Variants in ELL2 observed in about 807,000 individuals in gnomAD.
The protein encoded by ELL2 is RNA polymerase II elongation factor ELL2.
In ELL2, 21 loss-of-function variants were observed where a neutral mutation model predicts 72.8. That is an observed-to-expected ratio of 0.29 (90% CI 0.20 to 0.42). The LOEUF (loss-of-function observed/expected upper bound fraction) is 0.42, where lower values mean the gene tolerates loss of function less well. Ranked by LOEUF, ELL2 falls within the 10% of genes least tolerant of loss-of-function variation. The pLI is 1.00. For missense variants in ELL2, 568 were observed against 772.8 expected, an observed-to-expected ratio of 0.73 and a Z score of 3.14; for synonymous variants, 266 against 283.2, an observed-to-expected ratio of 0.94 and a Z score of 0.61.
chr5:95,961,539 CCTCT>C, intron 1 of ELL2, 32 bp downstream of exon 1: 1 of 1,530,188 alleles, frequency 6.5e-7, no homozygotes, highest in Non-Finnish European at 8.8e-7. Context: ...GTGCGCTCTG[CCTCT>C]CTGAGCCCAG....
At chr5:95,958,726 A>G (rs1393915997) in intron 1 of ELL2, among the ~76,000 whole-genome samples, 2 of 152,178 alleles carry the variant, frequency 1.3e-5, no homozygotes, top group African/African-American at 4.8e-5. Context: ...AATACAAGCT[A>G]CTTGGCTCCA....
intron 10 of ELL2, among the ~76,000 whole-genome samples, chr5:95,890,240 G>A (rs1021349589): frequency 2.6e-5 from 4 of 152,016 alleles, no homozygotes; most frequent in African/African-American, 7.3e-5. Flanking sequence ...TATAACTCTC[G>A]CCAGCTTGTT....
At chr5:95,889,159 G>A (rs1204086787) in intron 10 of ELL2, 29 bp from the exon 11 acceptor site, 1 of 1,547,012 alleles carries the variant, frequency 6.5e-7, no homozygotes, top group South Asian at 1.2e-5. Flanking sequence ...GAAATCAGAA[G>A]AGAACAACTT....
chr5:95,895,392 C>T lies in ELL2; in HGVS notation c.1589+236G>A, dbSNP rs141216806. On this transcript the variant is annotated intron_variant, in intron 9 of 11. Coordinates refer to ENST00000237853, the MANE Select transcript of ELL2 (RefSeq NM_012081.6). ...TGGCCCCAGAACAAAGGACAGGATT[C>T]TCTATACTTAAAGGCCAACGAATAC... 1.4e-3 allele frequency among the ~76,000 whole-genome samples: 218 copies of T among 152,284 alleles called. 1 individual carries two copies. Among genetic ancestry groups the T allele is most frequent in the African/African-American group, 4.9e-3 (204 of 41,542 alleles).
chr5:95,958,735 C>T (rs1056150106), intron 1 of ELL2, among the ~76,000 whole-genome samples: 1 of 152,148 alleles, frequency 6.6e-6, no homozygotes, highest in Non-Finnish European at 1.5e-5. Context: ...TACTTGGCTC[C>T]ATGCTTTAAG....
At chr5:95,896,339 G>A (rs1404821120) in intron 8 of ELL2, among the ~76,000 whole-genome samples, 1 of 151,812 alleles carries the variant, frequency 6.6e-6, no homozygotes, top group East Asian at 1.9e-4. Flanking sequence ...GTGAAAGTAT[G>A]TAAATCCCTC....
chr5:95,927,400 T>TACACACACGTGTGTATATAGACATAC (rs1750343221), intron 2 of ELL2, among the ~76,000 whole-genome samples: 10 of 29,470 alleles, frequency 3.4e-4, no homozygotes, highest in South Asian at 3.6e-3. Flanking sequence ...TATATAGACA[T>TACACACACGTGTGTATATAGACATAC]ACACACACGT....
Position 95,946,678 on chromosome 5 carries a change from A to T in ELL2, c.148-3629T>A, listed in dbSNP as rs114099261. Among the ~76,000 whole-genome samples, 1,154 of 152,332 alleles carry T rather than the reference A, an allele frequency of 7.6e-3. 12 individuals carry two copies. The highest frequency in any genetic ancestry group is 0.027 in the African/African-American group (1,111 of 41,580). ...TTCCACTTCCTCCCAACAATGGCTC[A>T]GCTATGTTAACCTTTGTTTGTTTTG... On this transcript the variant is annotated intron_variant, in intron 1 of 11. Coordinates refer to ENST00000237853, the MANE Select transcript of ELL2 (RefSeq NM_012081.6).
At chr5:95,917,917 A>G (rs1749883794) in intron 3 of ELL2, among the ~76,000 whole-genome samples, 1 of 152,212 alleles carries the variant, frequency 6.6e-6, no homozygotes, top group Admixed American at 6.5e-5. Flanking sequence ...TGTGCTCACT[A>G]TAATAAAACA....
At chr5:95,950,085 C>T (rs72785441) in intron 1 of ELL2, among the ~76,000 whole-genome samples, 8,095 of 152,166 alleles carry the variant, frequency 0.053, 300 homozygotes, top group Middle Eastern at 0.14. Flanking sequence ...AAACTGAAAG[C>T]CAGAGAATTA....
At position 95,961,645 on chromosome 5, in the gene ELL2, T is replaced by C. The variant is rs570828892; in HGVS notation, c.77A>G (p.Asn26Ser). The C allele has an allele frequency of 3.3e-5, 53 of 1,610,574 alleles. No individual in the cohort carries two copies. In the South Asian group the frequency reaches 4.6e-4, roughly 14 times the overall value. ...GLSCGRLGQD[N>S]ITVLHVKLTE... The stretch of plus-strand genomic sequence containing the variant: ...GAGCTTCACATGCAGTACGGTGATG[T>C]TGTCCTGCCCCAGCCGTCCGCACGA... The change falls in exon 1 of 12, where the codon AAC becomes AGC. Residue 26 changes from asparagine (N) to serine (S), a missense_variant. Coordinates refer to ENST00000237853, the MANE Select transcript of ELL2 (RefSeq NM_012081.6).
chr5:95,947,881 T>G (rs1561513816), intron 1 of ELL2, among the ~76,000 whole-genome samples: 1 of 152,218 alleles, frequency 6.6e-6, no homozygotes, highest in South Asian at 2.1e-4. Context: ...AATAGTTTTT[T>G]TTTCCTTTAA....
intron 1 of ELL2, among the ~76,000 whole-genome samples, chr5:95,953,841 A>C (rs951293753): frequency 6.6e-6 from 1 of 152,220 alleles, no homozygotes; most frequent in African/African-American, 2.4e-5. Context: ...CAGGAACGTT[A>C]TATAGAGTTA....
intron 3 of ELL2, among the ~76,000 whole-genome samples, chr5:95,915,841 A>G (rs1749773525): frequency 6.6e-6 from 1 of 152,142 alleles, no homozygotes; most frequent in Non-Finnish European, 1.5e-5. Context: ...ATTACAGCTG[A>G]AGCTGAAGAG....
rs1206718015 is a variant in ELL2 at position 95,927,779 on chromosome 5, GTGTGTATATAGACATACACACACACATA to G, written c.196-8262_196-8235del. Among the ~76,000 whole-genome samples the G allele has an allele frequency of 9.3e-5, 9 of 96,670 alleles. 2 individuals are homozygous for G. The highest frequency in any genetic ancestry group is 2.7e-4 in the Admixed American group (3 of 10,912). The allele number at this position is 96,670 out of a possible 152,430, so 63.4% of individuals were successfully genotyped here. A position where few individuals can be genotyped will look rare whatever the true frequency, so the allele number is the denominator to read the frequency against. On this transcript the variant is annotated intron_variant, in intron 2 of 11. Coordinates refer to ENST00000237853, the MANE Select transcript of ELL2 (RefSeq NM_012081.6). Reference sequence around the variant, plus strand: ...TATATAGACATACACACACACATATGTGTGTATATAGACATACACACACACATATGTGTGTATATAGACATACACACAC... The same window carrying G: ...TATATAGACATACACACACACATATGTGTGTGTATATAGACATACACACAC...
intron 2 of ELL2, among the ~76,000 whole-genome samples, chr5:95,922,029 C>G (rs2112314498): frequency 6.6e-6 from 1 of 152,192 alleles, no homozygotes; most frequent in Middle Eastern, 3.4e-3. Context: ...CCATACCTAT[C>G]AGAGAATGTA....
intron 1 of ELL2, among the ~76,000 whole-genome samples, chr5:95,947,031 C>T (rs1002812672): frequency 6.6e-6 from 1 of 152,190 alleles, no homozygotes; most frequent in African/African-American, 2.4e-5. Flanking sequence ...ATTTTGCTAA[C>T]TTGGAACTAT....
chr5:95,913,841 T>C lies in ELL2; in HGVS notation c.411A>G (p.Arg137=). The C allele has an allele frequency of 6.2e-7, 1 of 1,613,672 alleles. No individual in the cohort carries two copies. The highest frequency in any genetic ancestry group is 8.5e-7 in the Non-Finnish European group (1 of 1,179,814). Reference sequence around the variant, plus strand: ...GGGATTCCTCCTCTGCCTGGGTCATTCTTTCTCGTGTCATCTGATACGAGT... The same window carrying C: ...GGGATTCCTCCTCTGCCTGGGTCATCCTTTCTCGTGTCATCTGATACGAGT... The part of the protein sequence containing the change: ...TNDSYQMTRE[R]MTQAEEESRN... Residue 137 remains arginine, a synonymous_variant, in exon 4 of 12, where the codon AGA becomes AGG. Transcript: ENST00000237853.
chr5:95,945,084 T>C (rs1379327074), intron 1 of ELL2, among the ~76,000 whole-genome samples: 1 of 152,146 alleles, frequency 6.6e-6, no homozygotes, highest in African/African-American at 2.4e-5. Context: ...CTCTTCTCCA[T>C]TCCTCAGCTG....
Sources: gnomAD v4.1 joint callset for allele counts (sites outside exome capture counted in the v4.1 genomes callset) on GRCh38, gnomAD v4.1.1 for gene constraint, MANE v1.5 for transcripts, NCBI Gene and HGNC (gene_info 2026-07-23, HGNC 2026-07-21) for gene names.